Variants in MACROD2 observed in about 807,000 individuals in gnomAD.
MACROD2 encodes mono-ADP ribosylhydrolase 2.
MACROD2 carries 36 observed loss-of-function variants against 70.4 expected under a neutral mutation model. The ratio of observed to expected loss-of-function variants is 0.51; its 90% CI spans 0.39 to 0.68. MACROD2 has a LOEUF of 0.68. Among genes scored for constraint, MACROD2 ranks in the 30% least tolerant of loss-of-function variants. The probability of loss-of-function intolerance (pLI) is 0.00; values close to 1 mark genes in which losing one functional copy is unlikely to be tolerated. For synonymous variants in MACROD2, 172 were observed against 178.8 expected, an observed-to-expected ratio of 0.96 and a Z score of 0.30; for missense variants, 496 against 538.4, an observed-to-expected ratio of 0.92 and a Z score of 0.78.
chr20:16,040,398 G>A (rs1012422211), intron 15 of MACROD2, among the ~76,000 whole-genome samples: 2 of 151,800 alleles, frequency 1.3e-5, no homozygotes, highest in East Asian at 3.9e-4. Flanking sequence ...AAATGTACAG[G>A]AATCATAAAA....
intron 3 of MACROD2, among the ~76,000 whole-genome samples, chr20:14,182,875 C>T (rs968751426): frequency 5.9e-5 from 9 of 151,780 alleles, no homozygotes; most frequent in African/African-American, 2.2e-4. Context: ...TCCTTCTCAT[C>T]ATTCACACTG....
At chr20:14,963,071 A>G (rs771943013) in intron 5 of MACROD2, among the ~76,000 whole-genome samples, 1 of 152,180 alleles carries the variant, frequency 6.6e-6, no homozygotes, top group Non-Finnish European at 1.5e-5. Flanking sequence ...GTTATTCAGA[A>G]ATAAAATAAA....
chr20:14,515,473 A>ACGCGCGCGCGCGCG lies in MACROD2; in HGVS notation c.301+21966_301+21967insGCGCGCGCGCGCGC, dbSNP rs1406815284. Among the ~76,000 whole-genome samples, 34 of 67,554 alleles carry ACGCGCGCGCGCGCG rather than the reference A, an allele frequency of 5.0e-4. 1 individual carries two copies. The highest frequency in any genetic ancestry group is 2.2e-3 in the African/African-American group (31 of 14,250). The allele number at this position is 67,554 out of a possible 152,430, so 44.3% of individuals were successfully genotyped here. On this transcript the variant is annotated intron_variant, in intron 4 of 17. Transcript: ENST00000684519. Reference sequence around the variant, plus strand: ...GTGAGATACACACACACGCACACACACACACACACACACACACACACACAC... The same window carrying ACGCGCGCGCGCGCG: ...GTGAGATACACACACACGCACACACACGCGCGCGCGCGCGCACACACACACACACACACACACAC...
At chr20:14,400,374 T>C (rs1487553370) in intron 3 of MACROD2, among the ~76,000 whole-genome samples, 1 of 152,214 alleles carries the variant, frequency 6.6e-6, no homozygotes, top group Admixed American at 6.5e-5. Context: ...TTCTGGCTAA[T>C]TGGAACATAA....
At chr20:15,483,566 T>C (rs2047126453) in intron 7 of MACROD2, among the ~76,000 whole-genome samples, 1 of 152,192 alleles carries the variant, frequency 6.6e-6, no homozygotes, top group South Asian at 2.1e-4. Context: ...AGAATCAGTT[T>C]GTTTATATCC....
intron 15 of MACROD2, among the ~76,000 whole-genome samples, chr20:16,024,664 G>A (rs1017007455): frequency 6.6e-6 from 1 of 152,156 alleles, no homozygotes; most frequent in African/African-American, 2.4e-5. Flanking sequence ...ATTGAAGTCA[G>A]CCAAATAGCA....
At chr20:14,215,281 CAT>C (rs756031109) in intron 3 of MACROD2, among the ~76,000 whole-genome samples, 10 of 148,092 alleles carry the variant, frequency 6.8e-5, no homozygotes, top group Non-Finnish European at 7.4e-5. Flanking sequence ...TATGTTCTAT[CAT>C]ATATGTTCCA....
intron 7 of MACROD2, among the ~76,000 whole-genome samples, chr20:15,443,063 C>T (rs1192826242): frequency 2.0e-5 from 3 of 152,132 alleles, no homozygotes; most frequent in African/African-American, 7.2e-5. Context: ...AAAATCAATA[C>T]ATTGAGAATG....
At chr20:15,611,313 A>G (rs2048966446) in intron 8 of MACROD2, among the ~76,000 whole-genome samples, 1 of 152,110 alleles carries the variant, frequency 6.6e-6, no homozygotes, top group Non-Finnish European at 1.5e-5. Context: ...AGATAACACA[A>G]TGGCAGAGTC....
intron 5 of MACROD2, among the ~76,000 whole-genome samples, chr20:15,130,846 A>C (rs2076099514): frequency 1.3e-5 from 2 of 152,072 alleles, no homozygotes; most frequent in Non-Finnish European, 2.9e-5. Context: ...GGTACTCCTG[A>C]TGGAAGTAGA....
At chr20:15,013,251 G>T (rs2075096939) in intron 5 of MACROD2, among the ~76,000 whole-genome samples, 1 of 152,102 alleles carries the variant, frequency 6.6e-6, no homozygotes, top group East Asian at 1.9e-4. Context: ...CACAGACCTA[G>T]CTTTGAGAAT....
chr20:14,648,744 A>C (rs1354271510), intron 4 of MACROD2, among the ~76,000 whole-genome samples: 1 of 152,106 alleles, frequency 6.6e-6, no homozygotes, highest in East Asian at 1.9e-4. Flanking sequence ...TATACTATGA[A>C]TATTCAGTTG....
At chr20:15,910,335 G>A (rs576450931) in intron 10 of MACROD2, among the ~76,000 whole-genome samples, 3 of 152,180 alleles carry the variant, frequency 2.0e-5, no homozygotes, top group African/African-American at 4.8e-5. Context: ...CATTTTGAAT[G>A]TGTGTCATCA....
intron 10 of MACROD2, among the ~76,000 whole-genome samples, chr20:15,920,609 C>T (rs2065389466): frequency 6.6e-6 from 1 of 152,044 alleles, no homozygotes; most frequent in South Asian, 2.1e-4. Flanking sequence ...CCCCCTTGTT[C>T]CCAGACTCCA....
intron 5 of MACROD2, among the ~76,000 whole-genome samples, chr20:14,842,518 T>A (rs2073097940): frequency 6.6e-6 from 1 of 152,150 alleles, no homozygotes; most frequent in African/African-American, 2.4e-5. Flanking sequence ...TTACAGTATA[T>A]CTGAGGAAAT....
At chr20:15,640,543 T>C (rs1471885562) in intron 8 of MACROD2, among the ~76,000 whole-genome samples, 1 of 152,216 alleles carries the variant, frequency 6.6e-6, no homozygotes, top group Non-Finnish European at 1.5e-5. Context: ...CTATCTGCCG[T>C]TACACAAACT....
Position 14,151,731 on chromosome 20 carries a change from A to T in MACROD2, c.271+66003A>T, listed in dbSNP as rs547676893. ...TTGTCTCCAAAGCTGATTCCAGGAT[A>T]AAAAAATTAACTATTTTGAATAATA... On this transcript the variant is annotated intron_variant, in intron 3 of 17. Transcript: ENST00000684519. 9.2e-5 allele frequency among the ~76,000 whole-genome samples: 14 copies of T among 152,098 alleles called. No homozygotes were observed. The East Asian group carries it at 2.5e-3, about 27-fold the overall frequency.
At chr20:14,251,692 A>G (rs2082013970) in intron 3 of MACROD2, among the ~76,000 whole-genome samples, 1 of 152,088 alleles carries the variant, frequency 6.6e-6, no homozygotes, top group Non-Finnish European at 1.5e-5. Context: ...CAAGTGGAAA[A>G]TAGACAATGA....
intron 3 of MACROD2, among the ~76,000 whole-genome samples, chr20:14,318,958 T>C (rs1297352133): frequency 5.9e-5 from 9 of 152,158 alleles, no homozygotes; most frequent in African/African-American, 2.2e-4. Flanking sequence ...TCCTGTTTCC[T>C]CCATCTCTAG....
Sources: gnomAD v4.1 joint callset for allele counts (sites outside exome capture counted in the v4.1 genomes callset) on GRCh38, gnomAD v4.1.1 for gene constraint, MANE v1.5 for transcripts, NCBI Gene and HGNC (gene_info 2026-07-23, HGNC 2026-07-21) for gene names.